ZNF184: variants seen among roughly 807,000 people sequenced by gnomAD.
ZNF184 encodes the protein zinc finger protein 184 (Kruppel-like).
A neutral mutation model predicts 54.4 loss-of-function variants in ZNF184; 16 were observed. The observed-to-expected ratio is 0.29, with a 90% CI of 0.20 to 0.45. The LOEUF (loss-of-function observed/expected upper bound fraction) is 0.45. ZNF184 is among the 20% of genes least tolerant of loss of function. The pLI is 1.00. For synonymous variants in ZNF184, 254 were observed against 295.3 expected (o/e 0.86, Z 1.43); for missense variants, 681 against 888.2 (o/e 0.77, Z 2.97).
At chr6:27,469,791 T>C (rs1763230083) in intron 2 of ZNF184, among the ~76,000 whole-genome samples, 1 of 152,020 alleles carries the variant, frequency 6.6e-6, no homozygotes, top group African/African-American at 2.4e-5. Context: ...TGTGAGATAG[T>C]GGCAATAAGC....
chr6:27,428,163 C>T, the ZNF184 span, among the ~76,000 whole-genome samples: 1 of 152,136 alleles, frequency 6.6e-6, no homozygotes, highest in Non-Finnish European at 1.5e-5. The surrounding 1 kb of genome is among the most constrained non-coding windows in gnomAD (Gnocchi z 4.1). Flanking sequence ...AGTTCTCTTC[C>T]CCCAAAACAT....
chr6:27,448,504 TGAATA>T (rs953458493), downstream of ZNF184, among the ~76,000 whole-genome samples: 6 of 152,318 alleles, frequency 3.9e-5, no homozygotes, highest in African/African-American at 1.4e-4. Flanking sequence ...CATCTCATTC[TGAATA>T]GAATGCTAAA....
At chr6:27,463,240 C>T (rs1180774471) in intron 3 of ZNF184, among the ~76,000 whole-genome samples, 3 of 146,910 alleles carry the variant, frequency 2.0e-5, no homozygotes, top group African/African-American at 5.0e-5. Flanking sequence ...CAAACCTGCA[C>T]ATTGTGCACA....
chr6:27,413,645 A>T, the ZNF184 span, among the ~76,000 whole-genome samples: 1 of 152,198 alleles, frequency 6.6e-6, no homozygotes, highest in Non-Finnish European at 1.5e-5. Context: ...ATATTTCATT[A>T]TGCATTTCTA....
At chr6:27,433,202 G>A in the ZNF184 span, among the ~76,000 whole-genome samples, 1 of 152,116 alleles carries the variant, frequency 6.6e-6, no homozygotes, top group Admixed American at 6.5e-5. Flanking sequence ...TATGTTTTGG[G>A]ATAATTTGTT....
chr6:27,427,141 TAAAAC>T, the ZNF184 span, among the ~76,000 whole-genome samples: 2 of 109,746 alleles, frequency 1.8e-5, no homozygotes, highest in Admixed American at 9.0e-5. Flanking sequence ...AAAAAACAAT[TAAAAC>T]AAGAAAGTGT....
At chr6:27,420,420 GCAGTCTGTGAGCACCAA>G in the ZNF184 span, among the ~76,000 whole-genome samples, 1 of 152,186 alleles carries the variant, frequency 6.6e-6, no homozygotes, top group South Asian at 2.1e-4. Flanking sequence ...CCACAACTGT[GCAGTCTGTGAGCACCAA>G]GCCCTGCTCC....
At chr6:27,459,606 G>T (rs1045805172) in intron 3 of ZNF184, among the ~76,000 whole-genome samples, 15 of 152,138 alleles carry the variant, frequency 9.9e-5, no homozygotes, top group African/African-American at 3.6e-4. Flanking sequence ...GGGGCAATCT[G>T]ACAAGATCTA....
At chr6:27,465,781 A>T (rs1451590868) in intron 3 of ZNF184, among the ~76,000 whole-genome samples, 1 of 152,134 alleles carries the variant, frequency 6.6e-6, no homozygotes, top group African/African-American at 2.4e-5. Flanking sequence ...AAACAGACCA[A>T]CCCACAACAG....
the ZNF184 span, among the ~76,000 whole-genome samples, chr6:27,432,873 T>C: frequency 6.6e-6 from 1 of 152,192 alleles, no homozygotes; most frequent in Non-Finnish European, 1.5e-5. This position sits in a 1 kb window ranked among gnomAD's most constrained non-coding sequence, Gnocchi z 4.0. Context: ...AAGTGAGATG[T>C]CATCTGATAC....
At chr6:27,430,497 T>C in the ZNF184 span, among the ~76,000 whole-genome samples, 1 of 152,076 alleles carries the variant, frequency 6.6e-6, no homozygotes, top group Non-Finnish European at 1.5e-5. Flanking sequence ...ACATGTATTC[T>C]TGTAAGAGGG....
the ZNF184 span, chr6:27,405,014 C>CAA: frequency 0.63 from 92,861 of 146,814 alleles, 29,193 homozygotes; most frequent in Non-Finnish European, 0.67. Flanking sequence ...GACTCGGTCT[C>CAA]AAAAAAAAAA....
intron 3 of ZNF184, among the ~76,000 whole-genome samples, chr6:27,457,660 T>G (rs1386267516): frequency 6.6e-6 from 1 of 150,960 alleles, no homozygotes; most frequent in Non-Finnish European, 1.5e-5. Flanking sequence ...AATATGGCCA[T>G]TGTTGTTGTC....
chr6:27,438,322 T>C, the ZNF184 span, among the ~76,000 whole-genome samples: 1 of 152,156 alleles, frequency 6.6e-6, no homozygotes, highest in South Asian at 2.1e-4. Flanking sequence ...TTATAAGAAA[T>C]ATGAGTGCTC....
the ZNF184 span, among the ~76,000 whole-genome samples, chr6:27,426,207 A>G: frequency 6.6e-6 from 1 of 152,210 alleles, no homozygotes; most frequent in Non-Finnish European, 1.5e-5. This position sits in a 1 kb window ranked among gnomAD's most constrained non-coding sequence, Gnocchi z 4.2. Flanking sequence ...AGTGACATCA[A>G]TGTGCCTGAC....
At chr6:27,435,449 G>A in the ZNF184 span, among the ~76,000 whole-genome samples, 1 of 152,026 alleles carries the variant, frequency 6.6e-6, no homozygotes, top group Non-Finnish European at 1.5e-5. Context: ...ATTGTTCCTT[G>A]TTAGTGTATA....
the ZNF184 span, among the ~76,000 whole-genome samples, chr6:27,437,944 C>T: frequency 6.6e-6 from 1 of 152,204 alleles, no homozygotes; most frequent in Non-Finnish European, 1.5e-5. Context: ...GTCAAATCCA[C>T]TTACACAACA....
At chr6:27,465,470 AAG>A (rs938246542) in intron 3 of ZNF184, among the ~76,000 whole-genome samples, 1 of 130,270 alleles carries the variant, frequency 7.7e-6, no homozygotes, top group Non-Finnish European at 1.6e-5. Flanking sequence ...GGGCAACAGA[AAG>A]AGACTCCATC....
At chr6:27,421,361 C>G in the ZNF184 span, among the ~76,000 whole-genome samples, 1 of 152,136 alleles carries the variant, frequency 6.6e-6, no homozygotes, top group Non-Finnish European at 1.5e-5. Flanking sequence ...TCTATACCTT[C>G]CACAGTTTTT....
Sources: allele counts gnomAD v4.1 joint callset (sites outside exome capture counted in the v4.1 genomes callset), GRCh38; gene constraint gnomAD v4.1.1; non-coding constraint Gnocchi (gnomAD v3.1); transcripts MANE v1.5; gene names NCBI Gene and HGNC (gene_info 2026-07-23, HGNC 2026-07-21).